Variants in ARMH3 observed in about 807,000 individuals in gnomAD.
The protein encoded by ARMH3 is armadillo-like helical domain-containing protein 3.
In ARMH3, 60 loss-of-function variants were observed where a neutral mutation model predicts 99.1. The ratio of observed to expected loss-of-function variants is 0.61; its 90% CI spans 0.49 to 0.75. The LOEUF (loss-of-function observed/expected upper bound fraction) is 0.75. Among genes scored for constraint, ARMH3 ranks in the 30% least tolerant of loss-of-function variants. The pLI is 0.00. For missense variants in ARMH3, 679 were observed against 843.1 expected (o/e 0.81, Z 2.41); for synonymous variants, 285 against 292.8 (o/e 0.97, Z 0.27).
chr10:101,928,570 A>G (rs988834896), intron 23 of ARMH3, among the ~76,000 whole-genome samples: 2 of 152,042 alleles, frequency 1.3e-5, no homozygotes, highest in Non-Finnish European at 2.9e-5. Context: ...TTGGAAGGCT[A>G]AGGCAGGAGG....
intron 17 of ARMH3, 40 bp downstream of exon 17, chr10:101,993,498 T>C (rs745729860): frequency 2.7e-6 from 4 of 1,486,014 alleles, no homozygotes; most frequent in Non-Finnish European, 3.7e-6. Context: ...ATACAAAAAA[T>C]TTCCTCTAAG....
At chr10:101,913,227 T>A (rs1842937736) in intron 23 of ARMH3, 1 of 152,442 alleles carries the variant, frequency 6.6e-6, no homozygotes, top group African/African-American at 2.4e-5. Flanking sequence ...GTGATCCTCA[T>A]GCCTCAGCCT....
chr10:101,849,690 T>TCTGCAGATAAA (rs541340398), intron 25 of ARMH3, 86 bp downstream of exon 25: 7 of 1,128,544 alleles, frequency 6.2e-6, no homozygotes, highest in South Asian at 5.3e-5. Flanking sequence ...TCTTGTTTTA[T>TCTGCAGATAAA]CTGCAGATAA....
At chr10:102,010,107 GA>G in intron 11 of ARMH3, 84 bp from the exon 12 acceptor site, 2 of 1,307,858 alleles carry the variant, frequency 1.5e-6, no homozygotes, top group Non-Finnish European at 2.2e-6. Context: ...TATCAGTGAA[GA>G]AAACAAGCTG....
At chr10:101,989,468 C>A (rs1045947999) in intron 19 of ARMH3, among the ~76,000 whole-genome samples, 1 of 152,134 alleles carries the variant, frequency 6.6e-6, no homozygotes, top group Non-Finnish European at 1.5e-5. Flanking sequence ...TGCCTGTAGT[C>A]CCAGCACACT....
At chr10:101,958,077 G>C (rs1205811367) in intron 20 of ARMH3, among the ~76,000 whole-genome samples, 4 of 152,154 alleles carry the variant, frequency 2.6e-5, no homozygotes, top group Non-Finnish European at 5.9e-5. Flanking sequence ...TCAATTTACA[G>C]GTGAAAATGA....
intron 2 of ARMH3, among the ~76,000 whole-genome samples, chr10:102,036,764 C>T (rs1285884165): frequency 6.6e-6 from 1 of 151,742 alleles, no homozygotes; most frequent in Non-Finnish European, 1.5e-5. Context: ...CCTAGGAAAA[C>T]CAGAGACCTT....
intron 13 of ARMH3, among the ~76,000 whole-genome samples, chr10:102,007,038 G>A (rs2066509104): frequency 6.6e-6 from 1 of 151,404 alleles, no homozygotes; most frequent in African/African-American, 2.4e-5. Flanking sequence ...GTGCATGCCT[G>A]TAGTCCCAAC....
At chr10:101,934,205 T>C (rs1187139495) in intron 23 of ARMH3, among the ~76,000 whole-genome samples, 1 of 152,218 alleles carries the variant, frequency 6.6e-6, no homozygotes. Context: ...TCCCCAGCAG[T>C]GTACACTTAA....
At chr10:101,943,786 C>T (rs1328949409) in intron 22 of ARMH3, among the ~76,000 whole-genome samples, 1 of 151,950 alleles carries the variant, frequency 6.6e-6, no homozygotes, top group African/African-American at 2.4e-5. Context: ...AATTAGAGGC[C>T]AGGCACGGTG....
chr10:101,992,518 C>T (rs1308521679), intron 17 of ARMH3, among the ~76,000 whole-genome samples: 4 of 144,772 alleles, frequency 2.8e-5, no homozygotes, highest in East Asian at 2.0e-4. Flanking sequence ...TTTTTTGAGA[C>T]GGAGTCTCGC....
chr10:101,888,074 A>T (rs7073920), intron 24 of ARMH3, among the ~76,000 whole-genome samples: 3,346 of 135,238 alleles, frequency 0.025, 62 homozygotes, highest in African/African-American at 0.062. Context: ...TTTTTTTTTT[A>T]AAAAAAAAAA....
intron 14 of ARMH3, among the ~76,000 whole-genome samples, chr10:102,002,453 G>A (rs1189094185): frequency 6.6e-6 from 1 of 151,914 alleles, no homozygotes; most frequent in Non-Finnish European, 1.5e-5. Flanking sequence ...ATATAAATGA[G>A]TTTTACTTTG....
At chr10:101,889,606 G>T in intron 23 of ARMH3, 116 bp from the exon 24 acceptor site, 3 of 927,420 alleles carry the variant, frequency 3.2e-6, no homozygotes, top group South Asian at 2.7e-5. Flanking sequence ...GACCGATTGT[G>T]ACTGGGTAAC....
At chr10:101,893,972 T>C (rs1292517161) in intron 23 of ARMH3, among the ~76,000 whole-genome samples, 20 of 152,180 alleles carry the variant, frequency 1.3e-4, no homozygotes, top group Non-Finnish European at 5.9e-5. Flanking sequence ...GATAAAATCA[T>C]CTTCCAACCT....
chr10:101,951,964 C>T (rs1844812840), intron 22 of ARMH3, among the ~76,000 whole-genome samples: 1 of 151,492 alleles, frequency 6.6e-6, no homozygotes, highest in Non-Finnish European at 1.5e-5. Flanking sequence ...GGAATAAGAA[C>T]AGCAGCAGCA....
At chr10:101,932,676 A>G (rs529307407) in intron 23 of ARMH3, among the ~76,000 whole-genome samples, 16 of 152,406 alleles carry the variant, frequency 1.0e-4, no homozygotes, top group African/African-American at 3.6e-4. Context: ...CAAATATTTT[A>G]TAATTCCTCT....
At chr10:101,992,594 C>T (rs183112048) in intron 17 of ARMH3, among the ~76,000 whole-genome samples, 142 of 150,754 alleles carry the variant, frequency 9.4e-4, no homozygotes, top group Non-Finnish European at 1.7e-3. Flanking sequence ...CTCCTGGATT[C>T]GCGCCATTCT....
intron 22 of ARMH3, among the ~76,000 whole-genome samples, chr10:101,941,128 T>A (rs1844223305): frequency 6.6e-6 from 1 of 152,162 alleles, no homozygotes; most frequent in Admixed American, 6.5e-5. Flanking sequence ...GTAATGGAGC[T>A]GGAATTCAAA....
Sources: gnomAD v4.1 joint callset for allele counts (sites outside exome capture counted in the v4.1 genomes callset) on GRCh38, gnomAD v4.1.1 for gene constraint, MANE v1.5 for transcripts, NCBI Gene and HGNC (gene_info 2026-07-23, HGNC 2026-07-21) for gene names.